The following DEPDC1B variants were observed in gnomAD, a reference collection of about 807,000 sequenced individuals.
The protein encoded by DEPDC1B is DEP domain containing 1B, also known as DEP domain-containing protein 1B.
A neutral mutation model predicts 66.5 loss-of-function variants in DEPDC1B; 51 were observed. The observed-to-expected ratio is 0.77, with a 90% CI of 0.61 to 0.97. The LOEUF is 0.97. DEPDC1B is among the 50% of genes least tolerant of loss of function. The pLI is 0.00. For missense variants in DEPDC1B, 552 were observed against 637.1 expected (o/e 0.87, Z 1.44); for synonymous variants, 226 against 223.6 (o/e 1.01, Z -0.10).
intron 2 of DEPDC1B, among the ~76,000 whole-genome samples, chr5:60,665,127 C>T (rs1753808131): frequency 6.6e-6 from 1 of 152,124 alleles, no homozygotes; most frequent in East Asian, 1.9e-4. Context: ...CCCCAGTACT[C>T]AGCAGAAGAA....
chr5:60,614,633 C>T (rs1162953457), intron 7 of DEPDC1B, among the ~76,000 whole-genome samples: 1 of 151,896 alleles, frequency 6.6e-6, no homozygotes, highest in African/African-American at 2.4e-5. Flanking sequence ...GTTGTATTTC[C>T]CTTTCAACTG....
At chr5:60,624,842 C>G (rs1414376279) in intron 7 of DEPDC1B, among the ~76,000 whole-genome samples, 1 of 152,022 alleles carries the variant, frequency 6.6e-6, no homozygotes, top group African/African-American at 2.4e-5. Context: ...TAATGTCAAA[C>G]CAAAGTAATG....
At chr5:60,632,069 A>T (rs1426047689) in intron 7 of DEPDC1B, among the ~76,000 whole-genome samples, 1 of 152,172 alleles carries the variant, frequency 6.6e-6, no homozygotes, top group Non-Finnish European at 1.5e-5. Context: ...GAAATAACCT[A>T]TATAAAGGAC....
At chr5:60,664,576 C>T (rs1315137566) in intron 2 of DEPDC1B, among the ~76,000 whole-genome samples, 1 of 152,188 alleles carries the variant, frequency 6.6e-6, no homozygotes, top group Non-Finnish European at 1.5e-5. Flanking sequence ...TTGCTCAAAC[C>T]TACGCTGCTC....
chr5:60,609,129 G>C (rs1752367375), intron 7 of DEPDC1B, among the ~76,000 whole-genome samples: 1 of 152,012 alleles, frequency 6.6e-6, no homozygotes, highest in Non-Finnish European at 1.5e-5. Flanking sequence ...AAGGGAAAGG[G>C]AGAAAGAAAG....
At chr5:60,639,008 GT>G in intron 6 of DEPDC1B, 118 bp from the exon 7 acceptor site, 3 of 1,113,130 alleles carry the variant, frequency 2.7e-6, no homozygotes, top group East Asian at 2.8e-5. Flanking sequence ...ATACAGAAAA[GT>G]TTTTATGGGG....
chr5:60,697,292 A>G (rs1014933904), intron 1 of DEPDC1B, among the ~76,000 whole-genome samples: 1 of 152,040 alleles, frequency 6.6e-6, no homozygotes, highest in Non-Finnish European at 1.5e-5. Context: ...AAAGCACCAA[A>G]GAGCTTTTTC....
At chr5:60,666,308 T>C (rs1365910070) in intron 2 of DEPDC1B, among the ~76,000 whole-genome samples, 2 of 152,180 alleles carry the variant, frequency 1.3e-5, no homozygotes, top group Admixed American at 6.5e-5. Context: ...CTGCTTCTAA[T>C]AGAGCTATAA....
chr5:60,649,379 C>T (rs1353419934), intron 2 of DEPDC1B, among the ~76,000 whole-genome samples: 1 of 152,076 alleles, frequency 6.6e-6, no homozygotes, highest in African/African-American at 2.4e-5. Context: ...CACCTTTTTC[C>T]TCCACACTAA....
chr5:60,634,984 A>G (rs919301692), intron 7 of DEPDC1B, among the ~76,000 whole-genome samples: 9 of 151,008 alleles, frequency 6.0e-5, no homozygotes, highest in Admixed American at 3.3e-4. Flanking sequence ...ACTTGAACCC[A>G]GAAGATGGAG....
chr5:60,662,583 G>C (rs575212087), intron 2 of DEPDC1B, among the ~76,000 whole-genome samples: 1 of 152,308 alleles, frequency 6.6e-6, no homozygotes, highest in African/African-American at 2.4e-5. Context: ...AACAGGGAAA[G>C]GTTGAGCAAA....
intron 1 of DEPDC1B, among the ~76,000 whole-genome samples, chr5:60,695,945 T>G (rs1273264104): frequency 6.6e-6 from 1 of 152,154 alleles, no homozygotes; most frequent in Non-Finnish European, 1.5e-5. Flanking sequence ...ATTACAGGCA[T>G]GTGCCACCAC....
chr5:60,660,418 C>T (rs1306859916), intron 2 of DEPDC1B, among the ~76,000 whole-genome samples: 1 of 152,042 alleles, frequency 6.6e-6, no homozygotes, highest in Non-Finnish European at 1.5e-5. Context: ...TAATTAATAA[C>T]TGAAGGTCTT....
intron 5 of DEPDC1B, 102 bp from the exon 6 acceptor site, chr5:60,642,961 C>T (rs1753225415): frequency 1.2e-6 from 1 of 807,826 alleles, no homozygotes; most frequent in African/African-American, 1.7e-5. Flanking sequence ...TAATATGAAC[C>T]ATATCTGCTA....
chr5:60,606,828 A>G (rs1752321255), intron 7 of DEPDC1B, among the ~76,000 whole-genome samples: 1 of 151,024 alleles, frequency 6.6e-6, no homozygotes, highest in Non-Finnish European at 1.5e-5. Context: ...CTTTTTTACT[A>G]TATTTGTCCC....
intron 2 of DEPDC1B, among the ~76,000 whole-genome samples, chr5:60,674,932 C>T (rs1754121940): frequency 6.6e-6 from 1 of 152,110 alleles, no homozygotes; most frequent in African/African-American, 2.4e-5. Context: ...GTTCATGCTC[C>T]AGGAACAATC....
chr5:60,597,991 A>C lies in DEPDC1B; in HGVS notation c.1429-77T>G, dbSNP rs187305558. ...TAAAATTTGGCAGCCAAATTTTAAG[A>C]GTTTCTGAGCCTGTATTTTCCTGTT... is the stretch of plus-strand genomic sequence containing the variant. On this transcript the variant is annotated intron_variant, in intron 10 of 10. Transcript: ENST00000265036. 476 of 1,276,958 alleles carry C rather than the reference A, an allele frequency of 3.7e-4. 1 individual carries two copies. In the African/African-American group the frequency reaches 6.7e-3, roughly 18 times the overall value. 79.1% of individuals were successfully genotyped at this position (1,276,958 alleles called of 1,614,324 possible).
intron 7 of DEPDC1B, among the ~76,000 whole-genome samples, chr5:60,607,913 A>G (rs2111726187): frequency 6.6e-6 from 1 of 152,312 alleles, no homozygotes; most frequent in African/African-American, 2.4e-5. Flanking sequence ...CAAGTCAGAA[A>G]TCAGGTTAGA....
chr5:60,624,380 T>A (rs1048949257), intron 7 of DEPDC1B, among the ~76,000 whole-genome samples: 1 of 152,224 alleles, frequency 6.6e-6, no homozygotes, highest in Non-Finnish European at 1.5e-5. Flanking sequence ...TTTTATCTAC[T>A]GCTGCATTCA....
Sources: allele counts gnomAD v4.1 joint callset (sites outside exome capture counted in the v4.1 genomes callset), GRCh38; gene constraint gnomAD v4.1.1; transcripts MANE v1.5; gene names NCBI Gene and HGNC (gene_info 2026-07-23, HGNC 2026-07-21).